CACNA1E: variants seen among roughly 807,000 people sequenced by gnomAD.
CACNA1E encodes the protein calcium voltage-gated channel subunit alpha1 E.
A neutral mutation model predicts 259.2 loss-of-function variants in CACNA1E; 40 were observed. The observed-to-expected ratio is 0.15, with a 90% CI of 0.12 to 0.20. The LOEUF is 0.20. Among genes scored for constraint, CACNA1E ranks in the 10% least tolerant of loss-of-function variants. CACNA1E has a pLI of 1.00. For synonymous variants in CACNA1E, 1,104 were observed against 1,138.5 expected, an observed-to-expected ratio of 0.97 and a Z score of 0.61; for missense variants, 1,874 against 3,040.1, an observed-to-expected ratio of 0.62 and a Z score of 9.02.
chr1:181,726,939 G>A (rs1654965137), intron 18 of CACNA1E, among the ~76,000 whole-genome samples: 1 of 152,106 alleles, frequency 6.6e-6, no homozygotes, highest in Non-Finnish European at 1.5e-5. Context: ...GGGTGAGGAT[G>A]AATAAAAGGG....
chr1:181,775,465 T>A (rs754227765), intron 37 of CACNA1E, among the ~76,000 whole-genome samples: 20 of 152,144 alleles, frequency 1.3e-4, no homozygotes, highest in Non-Finnish European at 2.8e-4. Flanking sequence ...CCACCCTACA[T>A]GCTGCTACCA....
rs1662658726 is a variant in CACNA1E, at chr1:181,806,834, A to G, written c.*8000A>G. 1 of 152,192 alleles carries G rather than the reference A, an allele frequency of 6.6e-6. No individual in the cohort carries two copies. The highest frequency in any genetic ancestry group is 6.5e-5 in the Admixed American group (1 of 15,270). 9.4% of individuals were successfully genotyped at this position (152,192 alleles called of 1,614,324 possible). ...TGATGTGTTTCTTTGCTGCTACCAG[A>G]AAGGGAAATCATGGGAGTGAAGCCT... On this transcript the variant is annotated 3_prime_UTR_variant, in exon 48 of 48. Transcript: ENST00000367573.
intron 12 of CACNA1E, 35 bp downstream of exon 12, chr1:181,718,202 C>A: frequency 9.4e-7 from 1 of 1,058,732 alleles, no homozygotes; most frequent in Non-Finnish European, 1.5e-6. Flanking sequence ...GCTCCTGCTT[C>A]GTGTTGATAT....
intron 1 of CACNA1E, among the ~76,000 whole-genome samples, chr1:181,383,219 G>T (rs1216820174): frequency 3.9e-4 from 59 of 152,134 alleles, no homozygotes; most frequent in Non-Finnish European, 5.9e-5. Flanking sequence ...CTTTCCTTGA[G>T]TTATAGTGTC....
chr1:181,566,121 A>G (rs555610371), intron 3 of CACNA1E, among the ~76,000 whole-genome samples: 2 of 152,206 alleles, frequency 1.3e-5, no homozygotes, highest in Non-Finnish European at 2.9e-5. Context: ...TGGTTGTCCT[A>G]GAGAATGCAT....
At chr1:181,674,349 C>T (rs948294071) in intron 7 of CACNA1E, among the ~76,000 whole-genome samples, 6 of 136,854 alleles carry the variant, frequency 4.4e-5, no homozygotes, top group South Asian at 2.5e-4. Flanking sequence ...GCCGAGATCG[C>T]GCCACTGTGC....
At chr1:181,403,344 G>T (rs528744763) in intron 1 of CACNA1E, among the ~76,000 whole-genome samples, 1 of 151,076 alleles carries the variant, frequency 6.6e-6, no homozygotes, top group Non-Finnish European at 1.5e-5. Context: ...TGGTGGAGGT[G>T]GTGTCTAGTA....
Position 181,785,412 on chromosome 1 carries a change from G to A in CACNA1E, c.5673G>A (p.Glu1891=). ...TGAAGAAGCAGAGGCAGCAGCTGGA[G>A]GAACAGGTGAAAGTCAATGCCAGCA... ...SKVKKQRQQL[E]EQKNAPMFQR... Residue 1891 remains glutamate (E), a synonymous_variant, in exon 42 of 48, where the codon GAG becomes GAA. Transcript: ENST00000367573. The A allele has an allele frequency of 3.7e-6, 6 of 1,605,934 alleles. No individual in the cohort carries two copies. The highest frequency in any genetic ancestry group is 5.1e-6 in the Non-Finnish European group (6 of 1,173,326).
chr1:181,708,673 C>G (rs1358884693), intron 7 of CACNA1E, among the ~76,000 whole-genome samples: 1 of 152,190 alleles, frequency 6.6e-6, no homozygotes, highest in East Asian at 1.9e-4. Flanking sequence ...GACTTGGGCT[C>G]TTACAAGAGA....
intron 7 of CACNA1E, among the ~76,000 whole-genome samples, chr1:181,664,595 C>G (rs1020145887): frequency 1.3e-5 from 2 of 152,096 alleles, no homozygotes; most frequent in Non-Finnish European, 2.9e-5. Flanking sequence ...GAAAAAGGCT[C>G]TGATTTTCTT....
At chr1:181,645,467 G>A (rs1222495438) in intron 6 of CACNA1E, among the ~76,000 whole-genome samples, 1 of 152,120 alleles carries the variant, frequency 6.6e-6, no homozygotes, top group African/African-American at 2.4e-5. Context: ...TTCTTGGCAT[G>A]TCTTCATCTT....
At chr1:181,390,440 T>C (rs952168042) in intron 1 of CACNA1E, among the ~76,000 whole-genome samples, 1 of 152,098 alleles carries the variant, frequency 6.6e-6, no homozygotes, top group African/African-American at 2.4e-5. Context: ...TCAATAGACA[T>C]TTGTTGAGCT....
chr1:181,696,029 T>G (rs970949008), intron 7 of CACNA1E, among the ~76,000 whole-genome samples: 4 of 151,252 alleles, frequency 2.6e-5, no homozygotes, highest in African/African-American at 7.3e-5. Flanking sequence ...GAGAATATCT[T>G]TGCGAATTCA....
chr1:181,777,613 G>A (rs915117156), intron 38 of CACNA1E, among the ~76,000 whole-genome samples: 2 of 152,222 alleles, frequency 1.3e-5, no homozygotes, highest in Non-Finnish European at 2.9e-5. Context: ...AGCCAGGCCT[G>A]CGTGTCTTCA....
At chr1:181,339,933 G>T (rs886319928) in intron 1 of CACNA1E, among the ~76,000 whole-genome samples, 7 of 151,966 alleles carry the variant, frequency 4.6e-5, no homozygotes, top group Non-Finnish European at 8.8e-5. Flanking sequence ...GCCTTTTGAA[G>T]GTGTTTATGT....
At chr1:181,719,983 A>G in intron 13 of CACNA1E, 120 bp downstream of exon 13, 1 of 737,948 alleles carries the variant, frequency 1.4e-6, no homozygotes, top group South Asian at 2.0e-5. Context: ...TCCCTGCCCC[A>G]CCCCTTTTCT....
At chr1:181,592,124 G>A (rs1386555023) in intron 6 of CACNA1E, among the ~76,000 whole-genome samples, 1 of 152,138 alleles carries the variant, frequency 6.6e-6, no homozygotes, top group Non-Finnish European at 1.5e-5. Context: ...TCAAAAGAGA[G>A]GAGATGCTTC....
intron 38 of CACNA1E, among the ~76,000 whole-genome samples, chr1:181,780,982 A>G (rs941625788): frequency 6.6e-6 from 1 of 152,186 alleles, no homozygotes; most frequent in Non-Finnish European, 1.5e-5. Context: ...AGCACCGTCT[A>G]TCCGGTTTAT....
intron 2 of CACNA1E, among the ~76,000 whole-genome samples, chr1:181,468,527 A>G (rs1261725434): frequency 6.6e-6 from 1 of 152,202 alleles, no homozygotes; most frequent in Non-Finnish European, 1.5e-5. Context: ...ACATGTATTC[A>G]GAGTCCACTA....
Sources: allele counts gnomAD v4.1 joint callset (sites outside exome capture counted in the v4.1 genomes callset), GRCh38; gene constraint gnomAD v4.1.1; transcripts MANE v1.5; gene names NCBI Gene and HGNC (gene_info 2026-07-23, HGNC 2026-07-21).